Variants in UNC13C observed in about 807,000 individuals in gnomAD.
The protein encoded by UNC13C is protein unc-13 homolog C.
In UNC13C, 174 loss-of-function variants were observed where a neutral mutation model predicts 245.4. That is an observed-to-expected ratio of 0.71 (90% confidence interval 0.63 to 0.80). The LOEUF (loss-of-function observed/expected upper bound fraction) is 0.80. UNC13C is among the 30% of genes least tolerant of loss of function. UNC13C has a pLI of 0.00. For synonymous variants in UNC13C, 992 were observed against 895.1 expected (o/e 1.11, Z -1.93); for missense variants, 2,829 against 2,602.9 (o/e 1.09, Z -1.89).
chr15:54,359,304 G>A (rs950926971), intron 17 of UNC13C, among the ~76,000 whole-genome samples: 4 of 151,742 alleles, frequency 2.6e-5, no homozygotes, highest in Non-Finnish European at 4.4e-5. Flanking sequence ...ATCATTGTCC[G>A]GTTTTGATAT....
At chr15:54,210,793 G>C (rs980934866) in intron 4 of UNC13C, among the ~76,000 whole-genome samples, 1 of 152,110 alleles carries the variant, frequency 6.6e-6, no homozygotes. Flanking sequence ...AGACAGCATT[G>C]GCTTCTTGTT....
intron 4 of UNC13C, among the ~76,000 whole-genome samples, chr15:54,184,279 ATTATAC>A (rs1330219276): frequency 6.6e-6 from 1 of 151,944 alleles, no homozygotes; most frequent in Non-Finnish European, 1.5e-5. Context: ...TTTTATTATT[ATTATAC>A]TTTAAGTTTC....
At chr15:54,026,689 C>T (rs1457877733) in intron 2 of UNC13C, among the ~76,000 whole-genome samples, 3 of 152,282 alleles carry the variant, frequency 2.0e-5, no homozygotes, top group Non-Finnish European at 2.9e-5. Context: ...TTGATTAGTT[C>T]CATTGGCTAC....
At chr15:54,006,794 T>A (rs1895156509) in intron 1 of UNC13C, among the ~76,000 whole-genome samples, 1 of 152,202 alleles carries the variant, frequency 6.6e-6, no homozygotes, top group African/African-American at 2.4e-5. Flanking sequence ...CACACGCTAT[T>A]GGTGTATCTG....
At chr15:54,263,402 C>A (rs2036475715) in intron 8 of UNC13C, among the ~76,000 whole-genome samples, 1 of 152,076 alleles carries the variant, frequency 6.6e-6, no homozygotes, top group South Asian at 2.1e-4. Flanking sequence ...ACTATCTAGC[C>A]AGTAGCTTAA....
At chr15:54,498,768 C>G (rs974598466) in intron 20 of UNC13C, among the ~76,000 whole-genome samples, 9 of 152,118 alleles carry the variant, frequency 5.9e-5, no homozygotes, top group African/African-American at 2.2e-4. Context: ...TAAATGAAAT[C>G]TGTAACATTC....
intron 2 of UNC13C, among the ~76,000 whole-genome samples, chr15:54,047,724 T>C (rs1897100406): frequency 6.6e-6 from 1 of 152,198 alleles, no homozygotes; most frequent in East Asian, 1.9e-4. Context: ...AAGTATCTGC[T>C]TTTTAAACAT....
At chr15:54,046,674 AATAT>A (rs1897051423) in intron 2 of UNC13C, among the ~76,000 whole-genome samples, 1 of 151,706 alleles carries the variant, frequency 6.6e-6, no homozygotes, top group Non-Finnish European at 1.5e-5. Context: ...ATTGTGGTAA[AATAT>A]ATATAACAAA....
Position 54,567,946 on chromosome 15 carries a change from G to C in UNC13C, c.6105G>C (p.Gln2035His). Residue 2035 changes from glutamine (Q) to histidine (H), a missense_variant and splice_region_variant, in exon 30 of 33, where the codon CAG becomes CAC. Physicochemically the swap from Gln to His is conservative, Grantham distance 24. Transcript: ENST00000260323. ...IKKFIDTQTS[Q>H]SRSSKDAVGQ... The stretch of plus-strand genomic sequence containing the variant: ...AATTCATAGATACTCAAACCTCACA[G>C]AGTAAGTAACACATAGGACCTGAGA... 1 of 1,559,844 alleles carries C rather than the reference G, an allele frequency of 6.4e-7. No individual in the cohort carries two copies. Among genetic ancestry groups the C allele is most frequent in the Non-Finnish European group, 8.7e-7 (1 of 1,151,308 alleles).
chr15:54,623,536 G>A (rs1293630991), intron 31 of UNC13C, among the ~76,000 whole-genome samples: 1 of 152,128 alleles, frequency 6.6e-6, no homozygotes, highest in Admixed American at 6.6e-5. Context: ...GGAGGAGAGT[G>A]CTAACTTTTC....
chr15:54,525,051 T>A (rs780948025), intron 24 of UNC13C, among the ~76,000 whole-genome samples: 2 of 152,238 alleles, frequency 1.3e-5, no homozygotes, highest in South Asian at 4.2e-4. Context: ...TACTCTTAAT[T>A]CCAAAGTTGG....
chr15:53,918,821 C>G, the UNC13C span, among the ~76,000 whole-genome samples: 316 of 152,300 alleles, frequency 2.1e-3, no homozygotes, highest in Non-Finnish European at 3.6e-3. Flanking sequence ...TTATCTGGTA[C>G]TATAAGTCAT....
rs551144112 is a variant in UNC13C at position 54,362,130 on chromosome 15, A to T, written c.4713+23641A>T. Among the ~76,000 whole-genome samples, 11 of 152,328 alleles carry T rather than the reference A, an allele frequency of 7.2e-5. No homozygotes were observed. In the East Asian group the frequency reaches 1.9e-3, roughly 27 times the overall value. On this transcript the variant is annotated intron_variant, in intron 17 of 32. Transcript: ENST00000260323. Reference sequence around the variant, plus strand: ...TGATTAGAGGGAAGAATAGCTGCCAAGATCTGTGTACCACTCACTGTGATA... The same window carrying T: ...TGATTAGAGGGAAGAATAGCTGCCATGATCTGTGTACCACTCACTGTGATA...
chr15:54,423,180 C>T (rs1407339379), intron 19 of UNC13C, among the ~76,000 whole-genome samples: 1 of 151,058 alleles, frequency 6.6e-6, no homozygotes, highest in African/African-American at 2.4e-5. Context: ...TGGTCATAAC[C>T]CTCTAAATTG....
chr15:54,460,598 C>G (rs1383392201), intron 19 of UNC13C, among the ~76,000 whole-genome samples: 1 of 152,190 alleles, frequency 6.6e-6, no homozygotes, highest in African/African-American at 2.4e-5. Context: ...CCTAAGTTGG[C>G]CAGGATAAGT....
intron 2 of UNC13C, among the ~76,000 whole-genome samples, chr15:54,020,088 C>T (rs17664456): frequency 0.43 from 64,587 of 151,778 alleles, 14,765 homozygotes; most frequent in Non-Finnish European, 0.52. Context: ...CAGGAGGATG[C>T]AGTCTGGCTA....
At chr15:54,234,963 A>C (rs1312926528) in intron 4 of UNC13C, 67 bp from the exon 5 acceptor site, 25 of 1,361,244 alleles carry the variant, frequency 1.8e-5, no homozygotes, top group Non-Finnish European at 2.3e-5. Flanking sequence ...TACCATGAAC[A>C]GTGGATGTTT....
chr15:54,113,598 G>A (rs765767868), intron 2 of UNC13C, among the ~76,000 whole-genome samples: 10 of 152,050 alleles, frequency 6.6e-5, no homozygotes, highest in South Asian at 4.1e-4. Context: ...AGGCCGAGGC[G>A]GGTGGATCAT....
At chr15:53,891,345 T>G in the UNC13C span, among the ~76,000 whole-genome samples, 17 of 152,296 alleles carry the variant, frequency 1.1e-4, no homozygotes, top group Middle Eastern at 6.8e-3. Flanking sequence ...TTCTGTTGAT[T>G]TGGGGTGGAG....
Sources: allele counts gnomAD v4.1 joint callset (sites outside exome capture counted in the v4.1 genomes callset), GRCh38; gene constraint gnomAD v4.1.1; transcripts MANE v1.5; gene names NCBI Gene and HGNC (gene_info 2026-07-23, HGNC 2026-07-21).